Variants in FNBP1 observed in about 807,000 individuals in gnomAD.
The protein encoded by FNBP1 is formin binding protein 1.
FNBP1 carries 26 observed loss-of-function variants against 90.6 expected under a neutral mutation model. That is an observed-to-expected ratio of 0.29 (90% CI 0.21 to 0.40). FNBP1 has a LOEUF of 0.40. FNBP1 is among the 10% of genes least tolerant of loss of function. FNBP1 has a pLI of 1.00. For missense variants in FNBP1, 635 were observed against 768.0 expected (o/e 0.83, Z 2.05); for synonymous variants, 260 against 265.2 (o/e 0.98, Z 0.19).
intron 1 of FNBP1, among the ~76,000 whole-genome samples, chr9:130,013,319 A>G (rs1022376406): frequency 6.6e-6 from 1 of 152,172 alleles, no homozygotes; most frequent in Non-Finnish European, 1.5e-5. Flanking sequence ...TAACAGGAAA[A>G]GGGGCAAAAA....
At chr9:129,996,629 T>C (rs751476455) in intron 1 of FNBP1, among the ~76,000 whole-genome samples, 1 of 152,200 alleles carries the variant, frequency 6.6e-6, no homozygotes, top group Non-Finnish European at 1.5e-5. Context: ...AATATAAAGC[T>C]AGTGTTTAAT....
intron 10 of FNBP1, among the ~76,000 whole-genome samples, chr9:129,923,620 G>A (rs1259561503): frequency 1.3e-5 from 2 of 149,994 alleles, no homozygotes; most frequent in African/African-American, 4.9e-5. Context: ...AGAACTCTGG[G>A]CTGTCTGGTT....
chr9:130,027,582 A>G (rs925085537), intron 1 of FNBP1, among the ~76,000 whole-genome samples: 1 of 152,182 alleles, frequency 6.6e-6, no homozygotes, highest in Non-Finnish European at 1.5e-5. Flanking sequence ...CTTGATGGGA[A>G]ACAACCATTT....
chr9:130,026,907 A>G (rs1039453582), intron 1 of FNBP1, among the ~76,000 whole-genome samples: 5 of 151,128 alleles, frequency 3.3e-5, no homozygotes, highest in East Asian at 3.9e-4. Context: ...TGGAGGTTAG[A>G]GTGAGCCAAG....
At chr9:129,955,837 A>T (rs1413131996) in intron 6 of FNBP1, among the ~76,000 whole-genome samples, 1 of 115,826 alleles carries the variant, frequency 8.6e-6, no homozygotes. Context: ...TTTAGCGCGC[A>T]CACACACACA....
In FNBP1 at chr9:129,890,610, C is replaced by A; in HGVS notation, c.1847-64G>T. ...TAGAGAGGAAGGCGCGGGTTCCAGG[C>A]GGGCATTTTGCTCTTGGCTACAAAC... On this transcript the variant is annotated intron_variant, in intron 16 of 16. Transcript: ENST00000446176. The surrounding 1 kb of genome is among the most constrained non-coding windows in gnomAD (Gnocchi z 5.8). The A allele has an allele frequency of 8.3e-7, 1 of 1,209,286 alleles. No homozygotes were observed. Among genetic ancestry groups the A allele is most frequent in the East Asian group, 6.3e-5 (1 of 15,946 alleles). 74.9% of individuals were successfully genotyped at this position (1,209,286 alleles called of 1,614,324 possible).
At chr9:129,981,170 C>T (rs1168844440) in intron 2 of FNBP1, among the ~76,000 whole-genome samples, 1 of 152,108 alleles carries the variant, frequency 6.6e-6, no homozygotes, top group Non-Finnish European at 1.5e-5. Flanking sequence ...CTCACTACAA[C>T]CTCCACCTCC....
intron 4 of FNBP1, among the ~76,000 whole-genome samples, chr9:129,965,659 A>G (rs1351711007): frequency 6.6e-6 from 1 of 151,564 alleles, no homozygotes; most frequent in Non-Finnish European, 1.5e-5. Flanking sequence ...CCTGGGTAAC[A>G]TGGTGAAACC....
At chr9:129,982,411 C>A (rs1365166326) in intron 2 of FNBP1, among the ~76,000 whole-genome samples, 2 of 151,940 alleles carry the variant, frequency 1.3e-5, no homozygotes, top group Non-Finnish European at 2.9e-5. Context: ...GCAGAGGTTG[C>A]AGTGAGCTGA....
intron 2 of FNBP1, among the ~76,000 whole-genome samples, chr9:129,986,034 G>T (rs1019585502): frequency 6.7e-6 from 1 of 149,742 alleles, no homozygotes; most frequent in Non-Finnish European, 1.5e-5. Flanking sequence ...TACTTGGGAG[G>T]CTGAGGCAGG....
At chr9:129,895,752 C>A in intron 16 of FNBP1, 86 bp downstream of exon 16, 1 of 1,440,354 alleles carries the variant, frequency 6.9e-7, no homozygotes, top group Admixed American at 2.8e-5. Flanking sequence ...TGAGGAACTG[C>A]CTGTAACAGT....
At position 130,017,737 on chromosome 9, in the gene FNBP1, G is replaced by A. The variant is rs1404854760; in HGVS notation, c.25-22779C>T. ...CCCAGCTACTCTGGAGGCTAAGGCAGGAGAATCACTTGAACCCGGAAGGCA... is the reference window on the plus strand; with the variant it reads ...CCCAGCTACTCTGGAGGCTAAGGCAAGAGAATCACTTGAACCCGGAAGGCA... On this transcript the variant is annotated intron_variant, in intron 1 of 16. Coordinates refer to ENST00000446176, the MANE Select transcript of FNBP1 (RefSeq NM_015033.3). Among the ~76,000 whole-genome samples, 3 of 151,790 alleles carry A rather than the reference G, an allele frequency of 2.0e-5. No homozygotes were observed. The East Asian group carries it at 5.9e-4, about 30-fold the overall frequency.
chr9:129,910,148 G>A (rs1439413817), intron 11 of FNBP1: 1 of 456,262 alleles, frequency 2.2e-6, no homozygotes, highest in East Asian at 7.0e-5. Context: ...AAATTGTGAT[G>A]TCAAGTGCTT....
intron 1 of FNBP1, among the ~76,000 whole-genome samples, chr9:130,035,867 AC>A (rs2132279865): frequency 6.6e-6 from 1 of 152,074 alleles, no homozygotes; most frequent in African/African-American, 2.4e-5. Context: ...AATCGCTTGA[AC>A]CCGGGAGGTG....
intron 6 of FNBP1, chr9:129,936,467 C>T (rs750777678): frequency 1.3e-5 from 2 of 152,088 alleles, no homozygotes; most frequent in Non-Finnish European, 2.9e-5. Flanking sequence ...GCACCGATCC[C>T]GATTCCCTCC....
chr9:129,896,010 A>G lies in FNBP1; in HGVS notation c.1688-14T>C. 6.2e-7 allele frequency: 1 copy of G among 1,603,796 alleles called. No homozygotes were observed. The highest frequency in any genetic ancestry group is 8.5e-7 in the Non-Finnish European group (1 of 1,175,942). On this transcript the variant is annotated splice_polypyrimidine_tract_variant and intron_variant, in intron 15 of 16. Coordinates refer to ENST00000446176, the MANE Select transcript of FNBP1 (RefSeq NM_015033.3). ...CTTCATTCTGACCTGAAAAAGCAATATCAGGATATGTTAGATGTCTTGGCA... is the reference window on the plus strand; with the variant it reads ...CTTCATTCTGACCTGAAAAAGCAATGTCAGGATATGTTAGATGTCTTGGCA...
intron 8 of FNBP1, 52 bp downstream of exon 8, chr9:129,927,143 A>G: frequency 1.3e-6 from 2 of 1,587,632 alleles, no homozygotes; most frequent in Non-Finnish European, 1.7e-6. Flanking sequence ...GGATGGGGAG[A>G]AATAATGGAT....
chr9:130,042,461 G>C lies in FNBP1; in HGVS notation c.24+491C>G, dbSNP rs1348250617. On this transcript the variant is annotated intron_variant, in intron 1 of 16. Transcript: ENST00000446176. The surrounding 1 kb of genome is among the most constrained non-coding windows in gnomAD (Gnocchi z 5.5). ...AGCACCCCAAAACCCGACCCCCGGCGCTCGCCCCGGCCGCCCCGCTCCCGG... is the reference window on the plus strand; with the variant it reads ...AGCACCCCAAAACCCGACCCCCGGCCCTCGCCCCGGCCGCCCCGCTCCCGG... Among the ~76,000 whole-genome samples the C allele has an allele frequency of 6.6e-6, 1 of 151,936 alleles. No individual in the cohort carries two copies. The highest frequency in any genetic ancestry group is 1.5e-5 in the Non-Finnish European group (1 of 67,940).
intron 11 of FNBP1, among the ~76,000 whole-genome samples, chr9:129,909,637 T>A (rs112980631): frequency 2.0e-5 from 3 of 152,056 alleles, no homozygotes; most frequent in African/African-American, 4.8e-5. Flanking sequence ...TTTTTTTTTT[T>A]CCTTGAGACA....
Sources: allele counts gnomAD v4.1 joint callset (sites outside exome capture counted in the v4.1 genomes callset), GRCh38; gene constraint gnomAD v4.1.1; non-coding constraint Gnocchi (gnomAD v3.1); transcripts MANE v1.5; gene names NCBI Gene and HGNC (gene_info 2026-07-23, HGNC 2026-07-21).